CLVS1: variants seen among roughly 807,000 people sequenced by gnomAD.
CLVS1 encodes clavesin-1.
A neutral mutation model predicts 33.1 loss-of-function variants in CLVS1; 10 were observed. The ratio of observed to expected loss-of-function variants is 0.30; its 90% confidence interval spans 0.19 to 0.51. CLVS1 has a LOEUF of 0.51. Ranked by LOEUF, CLVS1 falls within the 20% of genes least tolerant of loss-of-function variation. The pLI, the probability that CLVS1 is intolerant of heterozygous loss-of-function variation, is 0.97. For missense variants in CLVS1, 343 were observed against 433.4 expected (o/e 0.79, Z 1.85); for synonymous variants, 163 against 166.1 (o/e 0.98, Z 0.14).
At chr8:61,216,685 G>C (rs1475292731) in intron 2 of CLVS1, among the ~76,000 whole-genome samples, 1 of 152,192 alleles carries the variant, frequency 6.6e-6, no homozygotes, top group Non-Finnish European at 1.5e-5. Flanking sequence ...TGAACCCACA[G>C]TTTTCTGTTT....
chr8:61,159,714 A>G (rs1182534843), intron 2 of CLVS1, among the ~76,000 whole-genome samples: 1 of 152,206 alleles, frequency 6.6e-6, no homozygotes, highest in Non-Finnish European at 1.5e-5. Flanking sequence ...TCAGTTAGAG[A>G]AAGTCAAACC....
chr8:61,202,435 T>C (rs1286640406), intron 2 of CLVS1: 3 of 780,220 alleles, frequency 3.8e-6, no homozygotes, highest in Non-Finnish European at 7.0e-6. Context: ...TGACAAAGAT[T>C]GTCACTTTAA....
chr8:61,165,731 G>A (rs923211072), intron 2 of CLVS1, among the ~76,000 whole-genome samples: 3 of 152,096 alleles, frequency 2.0e-5, no homozygotes, highest in African/African-American at 4.8e-5. Context: ...CCTGCACCCC[G>A]ACCACCTTGG....
intron 3 of CLVS1, among the ~76,000 whole-genome samples, chr8:61,390,234 C>T (rs1028636400): frequency 6.6e-6 from 1 of 152,228 alleles, no homozygotes; most frequent in Non-Finnish European, 1.5e-5. Context: ...CTGCTCTTTT[C>T]ACTTTACAGT....
upstream of CLVS1, among the ~76,000 whole-genome samples, chr8:61,054,430 G>C (rs1213554930): frequency 6.6e-6 from 1 of 152,210 alleles, no homozygotes; most frequent in Non-Finnish European, 1.5e-5. Flanking sequence ...TGCAGGCTTG[G>C]AGGGTGACAG....
At chr8:60,974,963 A>G in the CLVS1 span, among the ~76,000 whole-genome samples, 3 of 152,138 alleles carry the variant, frequency 2.0e-5, no homozygotes, top group African/African-American at 7.2e-5. Context: ...CTCAGAGGTT[A>G]TGATTTGAGT....
chr8:61,208,744 C>T lies in CLVS1; in HGVS notation c.-152+76884C>T, dbSNP rs185896029. 7.4e-3 allele frequency among the ~76,000 whole-genome samples: 1,122 copies of T among 152,222 alleles called. 17 individuals are homozygous for T. The highest frequency in any genetic ancestry group is 0.025 in the African/African-American group (1,051 of 41,530). ...CTGGGACTACAGGCACGCGCCACCA[C>T]GCCCAGCTAATTTTTGTATTTTTGG... is the stretch of plus-strand genomic sequence containing the variant. On this transcript the variant is annotated intron_variant, in intron 2 of 2. Transcript: ENST00000522621.
At chr8:61,370,650 A>G (rs1471746547) in intron 2 of CLVS1, 1 of 152,180 alleles carries the variant, frequency 6.6e-6, no homozygotes, top group East Asian at 1.9e-4. Flanking sequence ...AGGCCTCCCA[A>G]AGTGCTGGGA....
the CLVS1 span, among the ~76,000 whole-genome samples, chr8:61,049,124 G>A: frequency 6.6e-6 from 1 of 152,156 alleles, no homozygotes; most frequent in Admixed American, 6.5e-5. Context: ...GTAATGTATA[G>A]CCTGCTGAAT....
chr8:61,032,454 C>A, the CLVS1 span, among the ~76,000 whole-genome samples: 1 of 152,190 alleles, frequency 6.6e-6, no homozygotes, highest in Non-Finnish European at 1.5e-5. Context: ...TTTTTGGAAG[C>A]AATGCCTATC....
intron 2 of CLVS1, among the ~76,000 whole-genome samples, chr8:61,153,219 T>C (rs546595116): frequency 2.0e-5 from 3 of 152,240 alleles, no homozygotes; most frequent in African/African-American, 4.8e-5. Flanking sequence ...AAATGAGTAA[T>C]AACAAATTCA....
intron 2 of CLVS1, among the ~76,000 whole-genome samples, chr8:61,243,774 C>G (rs528388951): frequency 5.9e-5 from 9 of 152,140 alleles, no homozygotes; most frequent in Non-Finnish European, 1.3e-4. Context: ...TTTTAAGAAA[C>G]CAATTATTAG....
At chr8:61,296,055 T>C (rs555762885) in intron 1 of CLVS1, among the ~76,000 whole-genome samples, 1 of 152,336 alleles carries the variant, frequency 6.6e-6, no homozygotes, top group South Asian at 2.1e-4. Context: ...CAAAAGATTA[T>C]AGTCAAATGA....
intron 2 of CLVS1, among the ~76,000 whole-genome samples, chr8:61,176,985 T>C (rs772258467): frequency 2.0e-5 from 3 of 151,824 alleles, no homozygotes; most frequent in Non-Finnish European, 2.9e-5. Context: ...AGCTGCCTGC[T>C]GTCTAAGCCA....
At chr8:61,467,750 A>C (rs1444275657) in intron 5 of CLVS1, among the ~76,000 whole-genome samples, 1 of 152,208 alleles carries the variant, frequency 6.6e-6, no homozygotes, top group Non-Finnish European at 1.5e-5. Flanking sequence ...TCTTGGCTGT[A>C]CCACATTGCA....
the CLVS1 span, among the ~76,000 whole-genome samples, chr8:61,032,992 GGAAA>G: frequency 0.082 from 3,630 of 44,110 alleles, 195 homozygotes; most frequent in Admixed American, 0.18. Context: ...AAGGAAGGAA[GGAAA>G]GAAAGAAAGA....
chr8:61,346,530 C>T (rs986763048), intron 2 of CLVS1, among the ~76,000 whole-genome samples: 1 of 152,116 alleles, frequency 6.6e-6, no homozygotes, highest in Non-Finnish European at 1.5e-5. Context: ...CTAATGATGA[C>T]CTTTTACATG....
chr8:60,978,809 CAAAAAAAAAAAA>C, the CLVS1 span, among the ~76,000 whole-genome samples: 1 of 22,518 alleles, frequency 4.4e-5, no homozygotes, highest in Non-Finnish European at 7.9e-5. Flanking sequence ...GACTCCATCT[CAAAAAAAAAAAA>C]AAAAAAAAAA....
At chr8:61,136,950 C>T (rs1806200708) in intron 2 of CLVS1, among the ~76,000 whole-genome samples, 1 of 152,224 alleles carries the variant, frequency 6.6e-6, no homozygotes, top group African/African-American at 2.4e-5. Context: ...CCCACTGGCT[C>T]CTGATGAAGT....
Sources: gnomAD v4.1 joint callset for allele counts (sites outside exome capture counted in the v4.1 genomes callset) on GRCh38, gnomAD v4.1.1 for gene constraint, MANE v1.5 for transcripts, NCBI Gene and HGNC (gene_info 2026-07-23, HGNC 2026-07-21) for gene names.